The following TOM1L2 variants were observed in gnomAD, a reference collection of about 807,000 sequenced individuals.
The protein encoded by TOM1L2 is target of myb1 like 2 membrane trafficking protein.
A neutral mutation model predicts 67.9 loss-of-function variants in TOM1L2; 31 were observed. The observed-to-expected ratio is 0.46, with a 90% confidence interval of 0.34 to 0.62. The LOEUF (loss-of-function observed/expected upper bound fraction) is 0.62, where lower values mean the gene tolerates loss of function less well. TOM1L2 is among the 20% of genes least tolerant of loss of function. TOM1L2 has a pLI of 0.01. For synonymous variants in TOM1L2, 256 were observed against 254.0 expected (o/e 1.01, Z -0.07); for missense variants, 606 against 663.5 (o/e 0.91, Z 0.95).
At chr17:17,972,188 C>T (rs2042134850) in intron 1 of TOM1L2, 74 bp downstream of exon 1, 4 of 1,527,078 alleles carry the variant, frequency 2.6e-6, no homozygotes, top group Non-Finnish European at 1.8e-6. Flanking sequence ...CGGCGCCCGG[C>T]GGAGGCCCGC....
At chr17:17,873,222 A>G (rs908203990) in intron 7 of TOM1L2, among the ~76,000 whole-genome samples, 1 of 152,206 alleles carries the variant, frequency 6.6e-6, no homozygotes, top group Non-Finnish European at 1.5e-5. Flanking sequence ...ACATACAGCA[A>G]AACAGGAAGA....
chr17:17,864,758 T>C (rs1210203638), intron 10 of TOM1L2, among the ~76,000 whole-genome samples: 2 of 152,106 alleles, frequency 1.3e-5, no homozygotes, highest in African/African-American at 4.8e-5. Context: ...GTGATCCACC[T>C]GCCGCAGCCT....
At position 17,894,160 on chromosome 17, in the gene TOM1L2, C is replaced by A. The variant is rs74506959; in HGVS notation, c.217-350G>T. On this transcript the variant is annotated intron_variant, in intron 3 of 14. Transcript: ENST00000379504. The stretch of plus-strand genomic sequence containing the variant: ...TAGCATTTTAACTCCTCTCTCTGGG[C>A]CTCTGGGTATAAGGCATTAGCCAAT... Among the ~76,000 whole-genome samples the A allele has an allele frequency of 7.3e-3, 1,109 of 152,298 alleles. 8 individuals are homozygous for A. Among genetic ancestry groups the A allele is most frequent in the Non-Finnish European group, 9.5e-3 (648 of 68,020 alleles).
At chr17:17,894,192 T>A (rs1234531662) in intron 3 of TOM1L2, among the ~76,000 whole-genome samples, 1 of 152,190 alleles carries the variant, frequency 6.6e-6, no homozygotes, top group African/African-American at 2.4e-5. Flanking sequence ...CAATCGGACA[T>A]GGGCTCTGTC....
chr17:17,953,376 T>C (rs562889117), intron 1 of TOM1L2, among the ~76,000 whole-genome samples: 9 of 152,322 alleles, frequency 5.9e-5, no homozygotes, highest in African/African-American at 2.2e-4. Context: ...TCCTTGAGCA[T>C]GAATTAATCA....
chr17:17,858,132 C>A lies in TOM1L2; in HGVS notation c.1278+3344G>T, dbSNP rs1598190225. ...GATCACAGAAGGTTGACCAGAGCCG[C>A]TTCTCTCAATTACGGCTATCAGGGT... On this transcript the variant is annotated intron_variant, in intron 12 of 14. Transcript: ENST00000379504. 6 of 285,098 alleles carry A rather than the reference C, an allele frequency of 2.1e-5. No homozygotes were observed. The East Asian group carries it at 3.8e-4, about 18-fold the overall frequency. The allele number at this position is 285,098 out of a possible 1,614,324, so 17.7% of individuals were successfully genotyped here. A position where few individuals can be genotyped will look rare whatever the true frequency, so the allele number is the denominator to read the frequency against.
At chr17:17,861,746 G>C (rs1392515369) in intron 11 of TOM1L2, among the ~76,000 whole-genome samples, 195 bp from the exon 12 acceptor site, 1 of 152,164 alleles carries the variant, frequency 6.6e-6, no homozygotes, top group Non-Finnish European at 1.5e-5. Flanking sequence ...ATGCTAGGAG[G>C]CCTGGGTCCT....
chr17:17,943,829 A>G (rs2040832344), intron 1 of TOM1L2, among the ~76,000 whole-genome samples: 1 of 151,692 alleles, frequency 6.6e-6, no homozygotes, highest in Non-Finnish European at 1.5e-5. Context: ...TCCACTTCCT[A>G]CCCCTTGCCA....
intron 7 of TOM1L2, among the ~76,000 whole-genome samples, 176 bp downstream of exon 7, chr17:17,879,451 C>T (rs2037599083): frequency 6.6e-6 from 1 of 152,156 alleles, no homozygotes; most frequent in Admixed American, 6.5e-5. Context: ...GACAGTGGTA[C>T]TGGCCTCTGC....
At chr17:17,960,662 T>C (rs953739003) in intron 1 of TOM1L2, among the ~76,000 whole-genome samples, 2 of 152,186 alleles carry the variant, frequency 1.3e-5, no homozygotes, top group African/African-American at 4.8e-5. Context: ...TAAGCCTTAG[T>C]TTCCTAGTCT....
At chr17:17,899,751 G>C (rs1384960287) in intron 2 of TOM1L2, among the ~76,000 whole-genome samples, 1 of 152,190 alleles carries the variant, frequency 6.6e-6, no homozygotes, top group Non-Finnish European at 1.5e-5. Context: ...ACTAATCTAT[G>C]TGTCAATATA....
intron 1 of TOM1L2, among the ~76,000 whole-genome samples, chr17:17,944,159 T>C (rs2040846396): frequency 1.3e-5 from 2 of 152,244 alleles, no homozygotes; most frequent in South Asian, 4.1e-4. Context: ...ACATAAATAA[T>C]GCAGCCCCCG....
intron 3 of TOM1L2, among the ~76,000 whole-genome samples, chr17:17,896,473 T>A (rs1176382560): frequency 6.6e-6 from 1 of 152,136 alleles, no homozygotes; most frequent in East Asian, 1.9e-4. Context: ...TGCACAGCAG[T>A]CCTCAAGGTC....
intron 1 of TOM1L2, among the ~76,000 whole-genome samples, chr17:17,936,170 C>T (rs1305979911): frequency 2.6e-5 from 4 of 152,256 alleles, no homozygotes; most frequent in African/African-American, 9.6e-5. Flanking sequence ...TTAGCTCCCC[C>T]AGGCGTGTGC....
chr17:17,848,775 G>A (rs770006780), intron 14 of TOM1L2, 48 bp downstream of exon 14: 39 of 1,606,240 alleles, frequency 2.4e-5, no homozygotes, highest in Non-Finnish European at 2.9e-5. Flanking sequence ...TGTGCAGCCT[G>A]CACAGAGGCA....
chr17:17,961,334 G>A (rs2041667935), intron 1 of TOM1L2, among the ~76,000 whole-genome samples: 1 of 151,974 alleles, frequency 6.6e-6, no homozygotes, highest in South Asian at 2.1e-4. Flanking sequence ...AAGATGGGAG[G>A]ATCACCTGAG....
intron 1 of TOM1L2, among the ~76,000 whole-genome samples, chr17:17,940,492 T>C (rs1411132849): frequency 6.6e-6 from 1 of 152,184 alleles, no homozygotes; most frequent in Non-Finnish European, 1.5e-5. Flanking sequence ...AGGGATGGAC[T>C]CTGGCATGCC....
intron 7 of TOM1L2, among the ~76,000 whole-genome samples, chr17:17,873,700 A>G (rs1399252986): frequency 6.6e-6 from 1 of 152,214 alleles, no homozygotes; most frequent in Non-Finnish European, 1.5e-5. Flanking sequence ...TGCAGGCAGC[A>G]AGTAGCCTGT....
chr17:17,963,691 G>A (rs1374238325), intron 1 of TOM1L2, among the ~76,000 whole-genome samples: 2 of 152,226 alleles, frequency 1.3e-5, no homozygotes, highest in African/African-American at 2.4e-5. Flanking sequence ...GACAAAAAGA[G>A]TGAATAACTA....
Sources: allele counts gnomAD v4.1 joint callset (sites outside exome capture counted in the v4.1 genomes callset), GRCh38; gene constraint gnomAD v4.1.1; transcripts MANE v1.5; gene names NCBI Gene and HGNC (gene_info 2026-07-23, HGNC 2026-07-21).